MAD1L1: variants seen among roughly 807,000 people sequenced by gnomAD.
MAD1L1 encodes mitotic arrest deficient 1 like 1, also known as mitotic spindle assembly checkpoint protein MAD1.
A neutral mutation model predicts 96.9 loss-of-function variants in MAD1L1; 95 were observed. The ratio of observed to expected loss-of-function variants is 0.98; its 90% CI spans 0.83 to 1.16. The LOEUF (loss-of-function observed/expected upper bound fraction) is 1.16, where lower values mean the gene tolerates loss of function less well. Among genes scored for constraint, MAD1L1 ranks in the 50% most tolerant of loss-of-function variants. MAD1L1 has a pLI of 0.00. For synonymous variants in MAD1L1, 473 were observed against 396.6 expected (o/e 1.19, Z -2.29); for missense variants, 1,007 against 954.4 (o/e 1.06, Z -0.73).
intron 18 of MAD1L1, among the ~76,000 whole-genome samples, chr7:1,893,489 A>G (rs575685440): frequency 6.6e-6 from 1 of 152,136 alleles, no homozygotes; most frequent in East Asian, 1.9e-4. Context: ...GGGTTTGGCG[A>G]GATCTTTCAG....
chr7:2,169,654 G>T (rs538298939), intron 10 of MAD1L1, among the ~76,000 whole-genome samples: 30 of 152,238 alleles, frequency 2.0e-4, no homozygotes, highest in African/African-American at 6.3e-4. Context: ...ACAAGCAGCG[G>T]GTCAAGGTGC....
chr7:2,230,166 T>C (rs1222313988), intron 2 of MAD1L1, 23 bp from the exon 3 acceptor site: 2 of 1,564,482 alleles, frequency 1.3e-6, no homozygotes, highest in South Asian at 1.2e-5. Context: ...GACAAAGGAC[T>C]GGTCAGGGGC....
chr7:2,038,094 G>A (rs982794649), intron 12 of MAD1L1, among the ~76,000 whole-genome samples: 3 of 152,176 alleles, frequency 2.0e-5, no homozygotes, highest in Admixed American at 6.5e-5. Flanking sequence ...TTGCTGATAC[G>A]GAGAAGTCTG....
chr7:1,838,995 G>A (rs1442906261), intron 18 of MAD1L1: 1 of 366,622 alleles, frequency 2.7e-6, no homozygotes, highest in Non-Finnish European at 5.7e-6. Context: ...ATTTGAGGCA[G>A]CCAGGAACTG....
At chr7:1,972,819 C>T (rs1562573200) in intron 15 of MAD1L1, among the ~76,000 whole-genome samples, 1 of 152,136 alleles carries the variant, frequency 6.6e-6, no homozygotes, top group Non-Finnish European at 1.5e-5. Context: ...TCCTTCTCAG[C>T]ACCGGTCTAG....
intron 13 of MAD1L1, among the ~76,000 whole-genome samples, chr7:2,004,574 C>A (rs570113336): frequency 2.0e-5 from 3 of 152,224 alleles, no homozygotes; most frequent in Non-Finnish European, 2.9e-5. Flanking sequence ...CTGTGCCTCC[C>A]GACACAGAAT....
intron 18 of MAD1L1, among the ~76,000 whole-genome samples, chr7:1,861,316 C>T (rs1784535337): frequency 6.6e-6 from 1 of 152,218 alleles, no homozygotes; most frequent in South Asian, 2.1e-4. Flanking sequence ...CTGGCTGAAG[C>T]TATCCTTTCC....
At chr7:2,056,679 G>A (rs1784401140) in intron 12 of MAD1L1, among the ~76,000 whole-genome samples, 1 of 152,142 alleles carries the variant, frequency 6.6e-6, no homozygotes, top group Non-Finnish European at 1.5e-5. Context: ...TTATCACAGA[G>A]GGGTGAAGGA....
At chr7:1,942,539 C>T (rs913776396) in intron 16 of MAD1L1, among the ~76,000 whole-genome samples, 4 of 152,172 alleles carry the variant, frequency 2.6e-5, no homozygotes, top group Admixed American at 6.5e-5. Flanking sequence ...GATGGGAGGA[C>T]GGCCCTATGT....
At chr7:1,835,621 G>C (rs1334742241) in intron 18 of MAD1L1, among the ~76,000 whole-genome samples, 1 of 152,106 alleles carries the variant, frequency 6.6e-6, no homozygotes, top group Non-Finnish European at 1.5e-5. Flanking sequence ...TATCAGGAAG[G>C]GGTCTCAATC....
intron 17 of MAD1L1, among the ~76,000 whole-genome samples, chr7:1,935,566 T>G (rs1182634440): frequency 6.6e-6 from 1 of 151,908 alleles, no homozygotes; most frequent in Non-Finnish European, 1.5e-5. Flanking sequence ...CCTAAGACCC[T>G]CCCCACAAAG....
chr7:1,921,535 C>T (rs1218180965), intron 17 of MAD1L1, among the ~76,000 whole-genome samples: 1 of 152,174 alleles, frequency 6.6e-6, no homozygotes, highest in Non-Finnish European at 1.5e-5. Flanking sequence ...GTTGGCCAGG[C>T]TGGTCTTGAA....
intron 12 of MAD1L1, among the ~76,000 whole-genome samples, chr7:2,022,530 G>A (rs998192269): frequency 1.3e-4 from 19 of 150,030 alleles, no homozygotes; most frequent in Middle Eastern, 3.4e-3. Context: ...CAGCCTGGGC[G>A]ACAAGAGCAA....
At chr7:1,884,395 C>T (rs1347778125) in intron 18 of MAD1L1, among the ~76,000 whole-genome samples, 1 of 152,184 alleles carries the variant, frequency 6.6e-6, no homozygotes, top group Non-Finnish European at 1.5e-5. Flanking sequence ...CTGAGGTGAG[C>T]CCTGGACTCC....
At chr7:2,196,541 C>G (rs1045486846) in intron 10 of MAD1L1, among the ~76,000 whole-genome samples, 1 of 152,240 alleles carries the variant, frequency 6.6e-6, no homozygotes, top group Admixed American at 6.5e-5. Flanking sequence ...ACTACGTGGG[C>G]AGACTGTGCT....
At chr7:1,874,362 C>A in intron 18 of MAD1L1, 1 of 365,962 alleles carries the variant, frequency 2.7e-6, no homozygotes, top group Non-Finnish European at 5.4e-6. Flanking sequence ...AGGGAAGCGT[C>A]TCAGGAGGAG....
At chr7:2,138,144 A>G (rs967898511) in intron 11 of MAD1L1, among the ~76,000 whole-genome samples, 1 of 152,210 alleles carries the variant, frequency 6.6e-6, no homozygotes, top group African/African-American at 2.4e-5. Flanking sequence ...CGGACCTGAG[A>G]CTGCTGTTAC....
intron 18 of MAD1L1, among the ~76,000 whole-genome samples, chr7:1,833,268 A>T (rs62435122): frequency 0.36 from 55,254 of 152,148 alleles, 10,273 homozygotes; most frequent in Non-Finnish European, 0.42. Context: ...AATGCGTGAT[A>T]TACCCAAGGT....
chr7:1,857,610 T>C (rs1164724809), intron 18 of MAD1L1, among the ~76,000 whole-genome samples: 1 of 152,190 alleles, frequency 6.6e-6, no homozygotes, highest in Non-Finnish European at 1.5e-5. Context: ...GATGAGCCCC[T>C]GGACCAGGGC....
Sources: allele counts gnomAD v4.1 joint callset (sites outside exome capture counted in the v4.1 genomes callset), GRCh38; gene constraint gnomAD v4.1.1; transcripts MANE v1.5; gene names NCBI Gene and HGNC (gene_info 2026-07-23, HGNC 2026-07-21).